Variants in MLLT3 observed in about 807,000 individuals in gnomAD.
The protein encoded by MLLT3 is protein AF-9.
A neutral mutation model predicts 53.2 loss-of-function variants in MLLT3; 4 were observed. That is an observed-to-expected ratio of 0.08 (90% confidence interval 0.04 to 0.17). The LOEUF (loss-of-function observed/expected upper bound fraction) is 0.17, where lower values mean the gene tolerates loss of function less well. Ranked by LOEUF, MLLT3 falls within the 10% of genes least tolerant of loss-of-function variation. MLLT3 has a pLI of 1.00. For missense variants in MLLT3, 569 were observed against 684.0 expected (o/e 0.83, Z 1.87); for synonymous variants, 283 against 230.6 (o/e 1.23, Z -2.06).
intron 8 of MLLT3, among the ~76,000 whole-genome samples, chr9:20,356,927 G>A (rs1353459482): frequency 6.6e-6 from 1 of 152,188 alleles, no homozygotes; most frequent in Non-Finnish European, 1.5e-5. Context: ...CTGAGTGGCT[G>A]CCCAGAGAGG....
chr9:20,413,774 T>C lies in MLLT3; in HGVS notation c.1072A>G (p.Ile358Val). Residue 358 changes from isoleucine (I) to valine (V), a missense_variant, in exon 5 of 11, where the codon ATT becomes GTT. Transcript: ENST00000380338. ...KKSTLPPFDD[I>V]VDPNDSDVEE... Reference sequence around the variant, plus strand: ...ACATCTGAATCATTGGGATCCACAATATCATCAAATGGCGGTAACGTTGAT... The same window carrying C: ...ACATCTGAATCATTGGGATCCACAACATCATCAAATGGCGGTAACGTTGAT... 1 of 1,613,548 alleles carries C rather than the reference T, an allele frequency of 6.2e-7. No individual in the cohort carries two copies. Among genetic ancestry groups the C allele is most frequent in the Non-Finnish European group, 8.5e-7 (1 of 1,179,794 alleles).
intron 3 of MLLT3, among the ~76,000 whole-genome samples, chr9:20,454,650 A>G (rs900654597): frequency 2.0e-5 from 3 of 152,168 alleles, no homozygotes; most frequent in Admixed American, 6.5e-5. Context: ...GATTATTCCT[A>G]TGGTGTAGCC....
chr9:20,365,579 A>G (rs1821429497), intron 6 of MLLT3, 90 bp downstream of exon 6: 1 of 1,403,394 alleles, frequency 7.1e-7, no homozygotes, highest in South Asian at 1.2e-5. Context: ...TGATCTCCTG[A>G]CCTCTTGATC....
In MLLT3 at chr9:20,346,028, C is replaced by T. The variant is rs557909434; in HGVS notation, c.*415G>A. The T allele has an allele frequency of 3.0e-5, 7 of 236,152 alleles. No homozygotes were observed. The South Asian group carries it at 6.6e-4, about 22-fold the overall frequency. 14.6% of individuals were successfully genotyped at this position (236,152 alleles called of 1,614,324 possible). A position where few individuals can be genotyped will look rare whatever the true frequency, so the allele number is the denominator to read the frequency against. On this transcript the variant is annotated 3_prime_UTR_variant, in exon 11 of 11. Transcript: ENST00000380338. Reference sequence around the variant, plus strand: ...CTCAACGACTTAGAATATCTGTATGCGATAATAAATAGATCAGTTATGTAA... The same window carrying T: ...CTCAACGACTTAGAATATCTGTATGTGATAATAAATAGATCAGTTATGTAA...
At chr9:20,348,500 T>A (rs370541954) in intron 10 of MLLT3, among the ~76,000 whole-genome samples, 2 of 152,146 alleles carry the variant, frequency 1.3e-5, no homozygotes, top group East Asian at 3.8e-4. Flanking sequence ...TTATGAAAGA[T>A]GGAAGAAAAG....
In MLLT3 at chr9:20,608,702, T is replaced by A. The variant is rs185734358; in HGVS notation, c.193+11952A>T. The stretch of plus-strand genomic sequence containing the variant: ...TGAAAATGTTTCTTGGGAAAGACAG[T>A]CTTAATCATGTTCCAAATTACTTGT... On this transcript the variant is annotated intron_variant, in intron 2 of 10. Coordinates refer to ENST00000380338, the MANE Select transcript of MLLT3 (RefSeq NM_004529.4). Among the ~76,000 whole-genome samples, 374 of 152,078 alleles carry A rather than the reference T, an allele frequency of 2.5e-3. 2 individuals are homozygous for A. The highest frequency in any genetic ancestry group is 8.9e-3 in the African/African-American group (369 of 41,562).
At chr9:20,453,798 C>T (rs1341248033) in intron 3 of MLLT3, among the ~76,000 whole-genome samples, 1 of 152,082 alleles carries the variant, frequency 6.6e-6, no homozygotes, top group African/African-American at 2.4e-5. Context: ...ACTCATGTTG[C>T]CACATTAAGT....
At chr9:20,487,104 G>C (rs1281377505) in intron 2 of MLLT3, among the ~76,000 whole-genome samples, 1 of 152,040 alleles carries the variant, frequency 6.6e-6, no homozygotes, top group African/African-American at 2.4e-5. Flanking sequence ...TTATCACCTA[G>C]AATTATGGCA....
intron 2 of MLLT3, among the ~76,000 whole-genome samples, chr9:20,471,310 T>C (rs1464134461): frequency 3.9e-5 from 6 of 151,952 alleles, no homozygotes; most frequent in Non-Finnish European, 7.4e-5. Flanking sequence ...AAAACAGTAA[T>C]GCGATGTTGA....
intron 4 of MLLT3, among the ~76,000 whole-genome samples, chr9:20,421,109 C>T (rs957266262): frequency 1.3e-5 from 2 of 151,820 alleles, no homozygotes; most frequent in African/African-American, 4.8e-5. Flanking sequence ...ACTAAAAATA[C>T]AAAAATTAGC....
At chr9:20,421,605 G>A (rs961015344) in intron 4 of MLLT3, among the ~76,000 whole-genome samples, 5 of 152,254 alleles carry the variant, frequency 3.3e-5, no homozygotes, top group South Asian at 2.1e-4. Flanking sequence ...TGACATATAT[G>A]TTTAGTGTTC....
intron 2 of MLLT3, among the ~76,000 whole-genome samples, chr9:20,468,263 C>T (rs114119799): frequency 5.3e-5 from 8 of 152,276 alleles, no homozygotes; most frequent in African/African-American, 1.7e-4. Flanking sequence ...TTCCCCCAAA[C>T]AGTGAAATAC....
intron 2 of MLLT3, among the ~76,000 whole-genome samples, chr9:20,615,796 G>A (rs1228434969): frequency 6.7e-6 from 1 of 149,010 alleles, no homozygotes; most frequent in Non-Finnish European, 1.5e-5. Context: ...GAGGCTACAG[G>A]ACATGTGATA....
rs1214466001 is a variant in MLLT3, at chr9:20,375,671, G to A, written c.1126-9927C>T. Among the ~76,000 whole-genome samples, 7 of 147,020 alleles carry A rather than the reference G, an allele frequency of 4.8e-5. No individual in the cohort carries two copies. The East Asian group carries it at 5.9e-4, about 12-fold the overall frequency. ...CACCCAGGCTGGAGTGCAGTGGCGC[G>A]GTTCTCAGCTCACTGAAAGCTCCGC... On this transcript the variant is annotated intron_variant, in intron 5 of 10. Transcript: ENST00000380338.
At chr9:20,591,771 T>A (rs1820136466) in intron 2 of MLLT3, among the ~76,000 whole-genome samples, 1 of 152,210 alleles carries the variant, frequency 6.6e-6, no homozygotes, top group Non-Finnish European at 1.5e-5. Context: ...AAAGTTTTTG[T>A]GACAACCATG....
chr9:20,394,454 T>C (rs552921833), intron 5 of MLLT3, among the ~76,000 whole-genome samples: 8 of 152,190 alleles, frequency 5.3e-5, no homozygotes, highest in Non-Finnish European at 1.0e-4. Context: ...TTAAGGCTAC[T>C]ACAGTGTCTT....
chr9:20,387,067 GTCTT>G (rs1460541983), intron 5 of MLLT3, among the ~76,000 whole-genome samples: 1 of 152,168 alleles, frequency 6.6e-6, no homozygotes, highest in Non-Finnish European at 1.5e-5. Context: ...CAGAAAATAC[GTCTT>G]TCTTACTTCG....
chr9:20,595,317 T>TG (rs1452372793), intron 2 of MLLT3, among the ~76,000 whole-genome samples: 1 of 152,006 alleles, frequency 6.6e-6, no homozygotes, highest in Non-Finnish European at 1.5e-5. Flanking sequence ...CAGTGAATCG[T>TG]CTTCATACAT....
At chr9:20,606,115 T>C (rs1820558110) in intron 2 of MLLT3, among the ~76,000 whole-genome samples, 1 of 152,148 alleles carries the variant, frequency 6.6e-6, no homozygotes, top group African/African-American at 2.4e-5. Context: ...AAACTATCCC[T>C]GCGTATTCTC....
Sources: allele counts gnomAD v4.1 joint callset (sites outside exome capture counted in the v4.1 genomes callset), GRCh38; gene constraint gnomAD v4.1.1; transcripts MANE v1.5; gene names NCBI Gene and HGNC (gene_info 2026-07-23, HGNC 2026-07-21).